SLC30A4: variants seen among roughly 807,000 people sequenced by gnomAD.
SLC30A4 encodes the protein probable proton-coupled zinc antiporter SLC30A4.
In SLC30A4, 20 loss-of-function variants were observed where a neutral mutation model predicts 41.7. That is an observed-to-expected ratio of 0.48 (90% CI 0.34 to 0.70). The LOEUF is 0.70. Ranked by LOEUF, SLC30A4 falls within the 30% of genes least tolerant of loss-of-function variation. SLC30A4 has a pLI of 0.01. For missense variants in SLC30A4, 441 were observed against 529.3 expected (o/e 0.83, Z 1.64); for synonymous variants, 181 against 195.9 (o/e 0.92, Z 0.64).
Position 45,485,278 on chromosome 15 carries a change from T to C in SLC30A4, c.1175A>G (p.Lys392Arg), listed in dbSNP as rs1189820454. The C allele has an allele frequency of 1.9e-6, 3 of 1,611,838 alleles. No individual in the cohort carries two copies. In the Admixed American group the frequency reaches 5.0e-5, roughly 27 times the overall value. The change falls in exon 8 of 8, where the codon AAA becomes AGA. Residue 392 changes from lysine to arginine, a missense_variant. Transcript: ENST00000261867. ...SSSKWEEVQS[K>R]ANHLLLNTFG... ...TGTGTTCAATAATAAATGGTTTGCT[T>C]TGGACTGTACTTCCTCCCATTTAGA...
intron 5 of SLC30A4, 114 bp downstream of exon 5, chr15:45,488,727 T>C (rs1891753252): frequency 7.9e-6 from 6 of 761,132 alleles, no homozygotes; most frequent in South Asian, 1.7e-5. Context: ...CTTACATCAA[T>C]GTAAAATGAA....
At chr15:45,518,338 G>A (rs1414537994) in intron 2 of SLC30A4, among the ~76,000 whole-genome samples, 2 of 151,858 alleles carry the variant, frequency 1.3e-5, no homozygotes, top group Non-Finnish European at 2.9e-5. Flanking sequence ...ATTTACTTAC[G>A]TGTTTAATGA....
At chr15:45,513,820 T>G (rs749745164) in intron 2 of SLC30A4, 1 of 152,158 alleles carries the variant, frequency 6.6e-6, no homozygotes, top group Non-Finnish European at 1.5e-5. Flanking sequence ...AGAACTGTCA[T>G]TATTTGACCT....
chr15:45,520,645 T>C (rs1364131827), intron 2 of SLC30A4, among the ~76,000 whole-genome samples: 1 of 152,218 alleles, frequency 6.6e-6, no homozygotes, highest in Non-Finnish European at 1.5e-5. Context: ...AGGCAGTCTA[T>C]GTAAAGCAGT....
intron 2 of SLC30A4, chr15:45,520,796 T>C (rs1262095812): frequency 3.6e-6 from 1 of 281,180 alleles, no homozygotes; most frequent in Non-Finnish European, 7.2e-6. Context: ...TTTATACACA[T>C]GTGACCTGTG....
intron 3 of SLC30A4, among the ~76,000 whole-genome samples, chr15:45,501,797 A>G (rs1218202904): frequency 1.3e-5 from 2 of 152,096 alleles, no homozygotes; most frequent in Admixed American, 1.3e-4. Flanking sequence ...GAGCCACCAC[A>G]CCTATCCAAC....
At chr15:45,505,896 T>G (rs1261901668) in intron 3 of SLC30A4, among the ~76,000 whole-genome samples, 1 of 152,118 alleles carries the variant, frequency 6.6e-6, no homozygotes, top group Non-Finnish European at 1.5e-5. Context: ...AAAATAATTT[T>G]TGGCCAGGCA....
chr15:45,480,042 G>A lies in SLC30A4; in HGVS notation c.*5121C>T, dbSNP rs552876572. ...GAAGCATAAACTTTCCAAATATACAGTATCTTCCAGGTAGAAAGATGACAT... is the reference window on the plus strand; with the variant it reads ...GAAGCATAAACTTTCCAAATATACAATATCTTCCAGGTAGAAAGATGACAT... On this transcript the variant is annotated 3_prime_UTR_variant, in exon 8 of 8. Transcript: ENST00000261867. 2 of 152,208 alleles carry A rather than the reference G, an allele frequency of 1.3e-5. No homozygotes were observed. The highest frequency in any genetic ancestry group is 4.1e-4 in the South Asian group (2 of 4,820). 9.4% of individuals were successfully genotyped at this position (152,208 alleles called of 1,614,324 possible).
chr15:45,506,926 C>T (rs1178559226), intron 3 of SLC30A4, among the ~76,000 whole-genome samples: 1 of 152,200 alleles, frequency 6.6e-6, no homozygotes, highest in Admixed American at 6.5e-5. Context: ...GCCATCATCA[C>T]TACTAATTCC....
At chr15:45,517,701 C>A (rs1213501222) in intron 2 of SLC30A4, among the ~76,000 whole-genome samples, 1 of 152,008 alleles carries the variant, frequency 6.6e-6, no homozygotes, top group Admixed American at 6.5e-5. Flanking sequence ...GTAATCCCAG[C>A]ACTTTGGGAG....
intron 3 of SLC30A4, among the ~76,000 whole-genome samples, chr15:45,504,529 A>AT (rs1294272265): frequency 2.2e-4 from 34 of 152,344 alleles, no homozygotes; most frequent in South Asian, 6.2e-4. Flanking sequence ...ATTTGTTACC[A>AT]TATTATGATA....
chr15:45,507,395 T>C (rs950798833), intron 3 of SLC30A4, among the ~76,000 whole-genome samples: 1 of 151,404 alleles, frequency 6.6e-6, no homozygotes, highest in Non-Finnish European at 1.5e-5. Flanking sequence ...CAAAGAGCTA[T>C]TTCTTGTATT....
chr15:45,487,459 T>C (rs1891725809), intron 6 of SLC30A4, 68 bp downstream of exon 6: 4 of 778,240 alleles, frequency 5.1e-6, no homozygotes, highest in Non-Finnish European at 9.1e-6. Context: ...CTATTCAGAA[T>C]GTCCCCTGAC....
chr15:45,485,405 G>T, intron 7 of SLC30A4, 88 bp from the exon 8 acceptor site: 1 of 845,334 alleles, frequency 1.2e-6, no homozygotes, highest in Non-Finnish European at 1.8e-6. Flanking sequence ...AAATATACTG[G>T]GAATATATTT....
intron 2 of SLC30A4, chr15:45,519,368 G>C (rs1882013245): frequency 6.6e-6 from 1 of 151,640 alleles, no homozygotes; most frequent in Non-Finnish European, 1.5e-5. Context: ...CTCCCCAGTA[G>C]CTGGGACTAC....
intron 2 of SLC30A4, chr15:45,515,834 C>T (rs1327909493): frequency 1.3e-5 from 2 of 151,756 alleles, no homozygotes; most frequent in East Asian, 3.9e-4. Flanking sequence ...ACTGCAGCCT[C>T]AACTTCTTGT....
At chr15:45,517,736 C>G (rs532067424) in intron 2 of SLC30A4, among the ~76,000 whole-genome samples, 149 of 152,030 alleles carry the variant, frequency 9.8e-4, no homozygotes, top group Non-Finnish European at 1.9e-3. Context: ...ATCACGAGGT[C>G]AGGAGATTGA....
intron 3 of SLC30A4, among the ~76,000 whole-genome samples, chr15:45,507,550 T>TGATCTTGGCTC (rs1892188739): frequency 2.7e-5 from 4 of 150,626 alleles, no homozygotes; most frequent in African/African-American, 9.7e-5. Flanking sequence ...TGCAGTGGCT[T>TGATCTTGGCTC]GATCTTGGCT....
At chr15:45,485,865 G>A (rs548969437) in intron 7 of SLC30A4, among the ~76,000 whole-genome samples, 6 of 150,326 alleles carry the variant, frequency 4.0e-5, no homozygotes, top group East Asian at 2.0e-4. Flanking sequence ...TTACAGGCAC[G>A]TGTCACCACG....
Sources: gnomAD v4.1 joint callset for allele counts (sites outside exome capture counted in the v4.1 genomes callset) on GRCh38, gnomAD v4.1.1 for gene constraint, MANE v1.5 for transcripts, NCBI Gene and HGNC (gene_info 2026-07-23, HGNC 2026-07-21) for gene names.